The following NR2C1 variants were observed in gnomAD, a reference collection of about 807,000 sequenced individuals.
NR2C1 encodes nuclear receptor subfamily 2 group C member 1, also known as TR2 nuclear hormone receptor.
In NR2C1, 33 loss-of-function variants were observed where a neutral mutation model predicts 74.8. That is an observed-to-expected ratio of 0.44 (90% CI 0.33 to 0.59). NR2C1 has a LOEUF of 0.59. NR2C1 is among the 20% of genes least tolerant of loss of function. The pLI is 0.02. For synonymous variants in NR2C1, 225 were observed against 240.6 expected (o/e 0.94, Z 0.60); for missense variants, 568 against 715.6 (o/e 0.79, Z 2.35).
At chr12:95,022,930 TG>T (rs1868934248) in intron 13 of NR2C1, among the ~76,000 whole-genome samples, 2 of 151,708 alleles carry the variant, frequency 1.3e-5, no homozygotes, top group Admixed American at 6.6e-5. Flanking sequence ...CTCACACTCT[TG>T]GGCTCAAGCA....
chr12:95,061,967 T>C (rs768094407), intron 3 of NR2C1, among the ~76,000 whole-genome samples: 1 of 152,244 alleles, frequency 6.6e-6, no homozygotes, highest in African/African-American at 2.4e-5. Context: ...CTGCTTGCTA[T>C]TTCATGAAGA....
intron 7 of NR2C1, among the ~76,000 whole-genome samples, chr12:95,056,620 G>C (rs1398976828): frequency 1.3e-5 from 2 of 152,142 alleles, no homozygotes; most frequent in Non-Finnish European, 2.9e-5. Context: ...AATAAAAAAA[G>C]TATTTTGGCA....
At chr12:95,049,652 T>G (rs1259398432) in intron 8 of NR2C1, among the ~76,000 whole-genome samples, 1 of 151,402 alleles carries the variant, frequency 6.6e-6, no homozygotes, top group Admixed American at 6.6e-5. Flanking sequence ...ATATGTATGA[T>G]ATATATATAT....
intron 11 of NR2C1, chr12:95,030,687 A>G: frequency 2.5e-6 from 4 of 1,603,236 alleles, no homozygotes; most frequent in Non-Finnish European, 3.4e-6. Flanking sequence ...AATAAGAAAT[A>G]GAATATGCTA....
intron 10 of NR2C1, among the ~76,000 whole-genome samples, chr12:95,033,032 G>A (rs1040407602): frequency 5.3e-5 from 8 of 152,044 alleles, no homozygotes; most frequent in Non-Finnish European, 1.2e-4. Flanking sequence ...TACTCAGGAG[G>A]GTTGAGGTGG....
intron 10 of NR2C1, among the ~76,000 whole-genome samples, chr12:95,032,281 T>G (rs1319237008): frequency 2.0e-5 from 3 of 152,128 alleles, no homozygotes; most frequent in Non-Finnish European, 4.4e-5. Context: ...GATTTTACTA[T>G]GAATAACAAG....
intron 11 of NR2C1, among the ~76,000 whole-genome samples, chr12:95,028,940 A>G (rs1869710896): frequency 6.6e-6 from 1 of 151,664 alleles, no homozygotes. Context: ...TCCTCTCATG[A>G]ATTTCAAGCT....
chr12:95,070,228 T>C (rs1404170065), intron 1 of NR2C1, among the ~76,000 whole-genome samples: 2 of 152,128 alleles, frequency 1.3e-5, no homozygotes, highest in Admixed American at 1.3e-4. Flanking sequence ...GCCTCCCAGG[T>C]TCAAGCAATT....
At chr12:95,067,082 TCCTTCCTTC>T (rs1875827290) in intron 2 of NR2C1, 4 of 527,416 alleles carry the variant, frequency 7.6e-6, no homozygotes, top group Non-Finnish European at 1.3e-5. Flanking sequence ...TTTCTTTCCT[TCCTTCCTTC>T]CCTTCATTCC....
rs1868852806 is a variant in NR2C1, at chr12:95,022,326, C to T, written c.1715G>A (p.Gly572Asp). ...ATITEELFFK[G>D]LIGNIRIDSV... ...GTCAATTCGTATATTGCCAATGAGA[C>T]CTTTGAAAAACAATTCTTCAGTGAT... Residue 572 changes from glycine to aspartate, a missense_variant, in exon 14 of 14, where the codon GGT (glycine) becomes GAT (aspartate). Transcript: ENST00000333003. 3 of 1,613,306 alleles carry T rather than the reference C, an allele frequency of 1.9e-6. No homozygotes were observed. The highest frequency in any genetic ancestry group is 2.5e-6 in the Non-Finnish European group (3 of 1,179,700).
chr12:95,062,779 TTTTC>T, intron 2 of NR2C1, 41 bp from the exon 3 acceptor site: 1 of 1,471,552 alleles, frequency 6.8e-7, no homozygotes. Context: ...ACTCAATAAT[TTTTC>T]TTTAATGACA....
At chr12:95,030,697 A>G in intron 11 of NR2C1, 3 of 1,601,458 alleles carry the variant, frequency 1.9e-6, no homozygotes, top group Admixed American at 3.4e-5. Flanking sequence ...AGAATATGCT[A>G]AAGAACTAAA....
chr12:95,053,549 A>G (rs556180145), intron 7 of NR2C1, among the ~76,000 whole-genome samples: 2 of 152,076 alleles, frequency 1.3e-5, no homozygotes, highest in East Asian at 3.9e-4. Context: ...TAAATTTATT[A>G]AATTCTTTTG....
At chr12:95,058,601 C>T (rs1874256689) in intron 4 of NR2C1, 112 bp from the exon 5 acceptor site, 3 of 819,936 alleles carry the variant, frequency 3.7e-6, no homozygotes, top group Non-Finnish European at 5.8e-6. Flanking sequence ...GATTTTTGAG[C>T]TTCTGACATG....
chr12:95,043,689 C>CCAAAAAA (rs575940640), intron 9 of NR2C1, among the ~76,000 whole-genome samples: 1 of 94,286 alleles, frequency 1.1e-5, no homozygotes, highest in African/African-American at 4.0e-5. Context: ...GACTCTGTCT[C>CCAAAAAA]AAAAAAAAAA....
At chr12:95,035,827 A>G (rs536789894) in intron 10 of NR2C1, among the ~76,000 whole-genome samples, 7 of 152,352 alleles carry the variant, frequency 4.6e-5, no homozygotes, top group African/African-American at 1.4e-4. Context: ...ATGACGAAGA[A>G]TGACCTTTTA....
Position 95,030,641 on chromosome 12 carries a change from AAGG to A in NR2C1, c.1393+705_1393+707del, listed in dbSNP as rs1565835261. The A allele has an allele frequency of 1.9e-6, 3 of 1,611,718 alleles. No homozygotes were observed. In the Admixed American group the frequency reaches 5.0e-5, roughly 27 times the overall value. ...TGATTACCCCTCTGCTGTTAAACATAAGGAGGAAGCAAATGATTTAAAAATTAT... is the reference window on the plus strand; with the variant it reads ...TGATTACCCCTCTGCTGTTAAACATAAGGAAGCAAATGATTTAAAAATTAT... On this transcript the variant is annotated intron_variant, in intron 11 of 13. Coordinates refer to ENST00000333003, the MANE Select transcript of NR2C1 (RefSeq NM_003297.4).
intron 12 of NR2C1, among the ~76,000 whole-genome samples, chr12:95,027,696 A>G (rs990633811): frequency 2.6e-5 from 4 of 152,088 alleles, no homozygotes; most frequent in Non-Finnish European, 4.4e-5. Flanking sequence ...AGATTGCACC[A>G]CTACACTCCA....
chr12:95,027,038 G>T (rs551176809), intron 12 of NR2C1, among the ~76,000 whole-genome samples: 1 of 152,126 alleles, frequency 6.6e-6, no homozygotes, highest in Non-Finnish European at 1.5e-5. Flanking sequence ...CAGAAATAAA[G>T]GTCTATAACA....
Sources: gnomAD v4.1 joint callset for allele counts (sites outside exome capture counted in the v4.1 genomes callset) on GRCh38, gnomAD v4.1.1 for gene constraint, MANE v1.5 for transcripts, NCBI Gene and HGNC (gene_info 2026-07-23, HGNC 2026-07-21) for gene names.